CA5A: variants seen among roughly 807,000 people sequenced by gnomAD.
CA5A encodes the protein carbonic anhydrase 5A, also known as carbonic anhydrase 5A, mitochondrial.
CA5A carries 28 observed loss-of-function variants against 37.1 expected under a neutral mutation model. The observed-to-expected ratio is 0.75, with a 90% confidence interval of 0.56 to 1.03. CA5A has a LOEUF of 1.03. CA5A is among the 50% of genes least tolerant of loss of function. CA5A has a pLI of 0.00. For missense variants in CA5A, 444 were observed against 399.9 expected (o/e 1.11, Z -0.94); for synonymous variants, 171 against 158.4 (o/e 1.08, Z -0.60).
intron 2 of CA5A, among the ~76,000 whole-genome samples, chr16:87,906,191 A>T (rs1368571186): frequency 6.6e-6 from 1 of 151,872 alleles, no homozygotes; most frequent in East Asian, 1.9e-4. Context: ...CTGATCCCGA[A>T]TTCAGGGTGG....
intron 2 of CA5A, among the ~76,000 whole-genome samples, chr16:87,919,916 A>T (rs2056207844): frequency 6.6e-6 from 1 of 152,110 alleles, no homozygotes. Context: ...GTGCAGGAGT[A>T]TTTGCACCAT....
rs1465040257 is a variant in CA5A, at chr16:87,888,131, A to G, written c.916T>C (p.Ter306GlnextTer3). Reference sequence around the variant, plus strand: ...CTATTCATGTGGACCTAATGTCTCTAGGACCTTGTGCCCTCATTAGTGGCC... The same window carrying G: ...CTATTCATGTGGACCTAATGTCTCTGGGACCTTGTGCCCTCATTAGTGGCC... Reference protein sequence around the residue: ...FQATNEGTRS* With the variant: ...FQATNEGTRSQ Residue 306 changes from the stop codon to glutamine, a stop_lost, in exon 7 of 7, where the codon TAG (stop) becomes CAG (glutamine). Coordinates refer to ENST00000649794, the MANE Select transcript of CA5A (RefSeq NM_001739.2). 2 of 1,611,368 alleles carry G rather than the reference A, an allele frequency of 1.2e-6. No homozygotes were observed. The highest frequency in any genetic ancestry group is 2.2e-5 in the South Asian group (2 of 90,866).
At chr16:87,913,659 C>T (rs545518892) in intron 2 of CA5A, among the ~76,000 whole-genome samples, 1 of 139,662 alleles carries the variant, frequency 7.2e-6, no homozygotes, top group Non-Finnish European at 1.5e-5. Context: ...CGTGGCCCCC[C>T]CCTCCTCTCC....
In CA5A at chr16:87,924,373, C is replaced by T. The variant is rs1289852680; in HGVS notation, c.340+2375G>A. 4 of 955,484 alleles carry T rather than the reference C, an allele frequency of 4.2e-6. 1 individual carries two copies. The highest frequency in any genetic ancestry group is 5.0e-6 in the Non-Finnish European group (4 of 802,802). 59.2% of individuals were successfully genotyped at this position (955,484 alleles called of 1,614,324 possible). On this transcript the variant is annotated intron_variant, in intron 2 of 6. Transcript: ENST00000649794. Reference sequence around the variant, plus strand: ...GAGAGAGACACTGGAAGGACCAAGCCGTGGTGTTTGCGATGCACTGTGTAG... The same window carrying T: ...GAGAGAGACACTGGAAGGACCAAGCTGTGGTGTTTGCGATGCACTGTGTAG...
At chr16:87,921,551 C>T (rs1462136701) in intron 2 of CA5A, among the ~76,000 whole-genome samples, 1 of 152,214 alleles carries the variant, frequency 6.6e-6, no homozygotes, top group Admixed American at 6.5e-5. Flanking sequence ...CATGCCTGTA[C>T]CAATTGCTGC....
At chr16:87,933,411 G>A (rs1486875936) in intron 1 of CA5A, among the ~76,000 whole-genome samples, 1 of 152,200 alleles carries the variant, frequency 6.6e-6, no homozygotes, top group African/African-American at 2.4e-5. Context: ...GGGTCCTGCT[G>A]TGTAGCCCAG....
intron 1 of CA5A, among the ~76,000 whole-genome samples, chr16:87,934,323 C>G (rs1349260180): frequency 6.6e-6 from 1 of 152,150 alleles, no homozygotes; most frequent in Non-Finnish European, 1.5e-5. Flanking sequence ...AATCCCAGCA[C>G]TTTGGGAGGC....
At chr16:87,934,210 G>A (rs142430489) in intron 1 of CA5A, among the ~76,000 whole-genome samples, 59 of 152,376 alleles carry the variant, frequency 3.9e-4, no homozygotes, top group African/African-American at 1.3e-3. Context: ...ACACTGTGCC[G>A]TAAGCACCAT....
chr16:87,888,910 G>A (rs1293012471), intron 6 of CA5A, among the ~76,000 whole-genome samples: 2 of 148,742 alleles, frequency 1.3e-5, no homozygotes, highest in South Asian at 2.2e-4. Flanking sequence ...AAGCCACCAC[G>A]CCCGGCTAAT....
chr16:87,904,806 C>T lies in CA5A; in HGVS notation c.439G>A (p.Gly147Ser), dbSNP rs1226444061. Residue 147 changes from glycine to serine, a missense_variant, in exon 3 of 7, where the codon GGC becomes AGC. Coordinates refer to ENST00000649794, the MANE Select transcript of CA5A (RefSeq NM_001739.2). ...NEGGSEHTVD[G>S]HAYPAELHLV... Reference sequence around the variant, plus strand: ...CAAACCTCTGCGGGGTACGCGTGGCCGTCCACTGTGTGCTCTGAGCCCCCC... The same window carrying T: ...CAAACCTCTGCGGGGTACGCGTGGCTGTCCACTGTGTGCTCTGAGCCCCCC... 1.4e-5 allele frequency: 22 copies of T among 1,609,374 alleles called. 1 individual carries two copies. The highest frequency in any genetic ancestry group is 3.3e-4 in the Middle Eastern group (2 of 6,048).
chr16:87,891,885 A>G lies in CA5A; in HGVS notation c.688T>C (p.Tyr230His), dbSNP rs1322053708. 1.3e-6 allele frequency: 2 copies of G among 1,574,444 alleles called. No homozygotes were observed. The highest frequency in any genetic ancestry group is 3.7e-5 in the Admixed American group (2 of 53,692). Residue 230 changes from tyrosine (Y) to histidine (H), a missense_variant, in exon 6 of 7, where the codon TAC becomes CAC. Tyr to His is a moderately conservative substitution (Grantham distance 83). Coordinates refer to ENST00000649794, the MANE Select transcript of CA5A (RefSeq NM_001739.2). ...LLPTCWDYWT[Y>H]AGSLTTPPLT... is the part of the protein sequence containing the mutation. Reference sequence around the variant, plus strand: ...GGCGGGGTGGTGAGCGAGCCCGCGTAGGTCCAGTAATCCCAGCAGGTGGGC... The same window carrying G: ...GGCGGGGTGGTGAGCGAGCCCGCGTGGGTCCAGTAATCCCAGCAGGTGGGC...
chr16:87,927,359 T>C (rs8053821), intron 1 of CA5A, among the ~76,000 whole-genome samples: 32,945 of 151,872 alleles, frequency 0.22, 3,812 homozygotes, highest in African/African-American at 0.28. Context: ...GGCTTGAAAC[T>C]TCCCTTCCCA....
chr16:87,926,840 A>T lies in CA5A; in HGVS notation c.248T>A (p.Leu83His). 6.2e-7 allele frequency: 1 copy of T among 1,613,972 alleles called. No individual in the cohort carries two copies. Among genetic ancestry groups the T allele is most frequent in the South Asian group, 1.1e-5 (1 of 91,062 alleles). ...GGATGCCGCTTCATAGGAGACCCTG[A>T]GTGGCTTCAGCTGGGGGTCATAGAC... ...DSVYDPQLKP[L>H]RVSYEAASCL... The change falls in exon 2 of 7, where the codon CTC becomes CAC. Residue 83 changes from leucine to histidine, a missense_variant. By Grantham distance (99) the Leu-to-His change is moderately conservative (BLOSUM62 -3). Coordinates refer to ENST00000649794, the MANE Select transcript of CA5A (RefSeq NM_001739.2).
At chr16:87,906,366 A>C (rs2055961273) in intron 2 of CA5A, among the ~76,000 whole-genome samples, 1 of 152,112 alleles carries the variant, frequency 6.6e-6, no homozygotes, top group Admixed American at 6.5e-5. Context: ...GGTGGCTCAC[A>C]CCTGTACTCC....
intron 2 of CA5A, among the ~76,000 whole-genome samples, chr16:87,912,583 C>A (rs576423666): frequency 6.6e-6 from 1 of 152,218 alleles, no homozygotes; most frequent in Non-Finnish European, 1.5e-5. Flanking sequence ...GTACAAGGGA[C>A]AGAGGGAGGA....
chr16:87,926,793 C>T lies in CA5A; in HGVS notation c.295G>A (p.Gly99Ser). ...AASCLYIWNT[G>S]YLFQVEFDDA... ...TCAAATTCCACCTGGAAGAGGTAGC[C>T]AGTGTTCCAGATGTACAGGCAGGAT... is the stretch of plus-strand genomic sequence containing the variant. Residue 99 changes from glycine to serine, a missense_variant, in exon 2 of 7, where the codon GGC becomes AGC. Gly to Ser is a moderately conservative substitution (Grantham distance 56, BLOSUM62 0). Transcript: ENST00000649794. 6.2e-7 allele frequency: 1 copy of T among 1,614,174 alleles called. No individual in the cohort carries two copies. Among genetic ancestry groups the T allele is most frequent in the Non-Finnish European group, 8.5e-7 (1 of 1,180,006 alleles).
At chr16:87,897,479 C>T (rs1342772029) in intron 5 of CA5A, among the ~76,000 whole-genome samples, 4 of 130,050 alleles carry the variant, frequency 3.1e-5, no homozygotes, top group African/African-American at 5.8e-5. Flanking sequence ...AGTGACAGGT[C>T]GGCACTGGTA....
chr16:87,904,789 T>G lies in CA5A; in HGVS notation c.456A>C (p.Ala152=), dbSNP rs747120163. 1.9e-6 allele frequency: 3 copies of G among 1,597,958 alleles called. No individual in the cohort carries two copies. The highest frequency in any genetic ancestry group is 2.2e-5 in the South Asian group (2 of 90,674). The change falls in exon 3 of 7, where the codon GCA becomes GCC. Residue 152 remains alanine (A), a synonymous_variant. Coordinates refer to ENST00000649794, the MANE Select transcript of CA5A (RefSeq NM_001739.2). ...EHTVDGHAYP[A]ELHLVHWNSV... ...CTGTTAGGCCACGTCTACAAACCTC[T>G]GCGGGGTACGCGTGGCCGTCCACTG...
chr16:87,904,704 C>T (rs144428790), intron 3 of CA5A, 82 bp downstream of exon 3: 11 of 849,030 alleles, frequency 1.3e-5, no homozygotes, highest in South Asian at 7.4e-5. Context: ...CTGAGCGGCG[C>T]GCATGGCTTG....
Sources: gnomAD v4.1 joint callset for allele counts (sites outside exome capture counted in the v4.1 genomes callset) on GRCh38, gnomAD v4.1.1 for gene constraint, MANE v1.5 for transcripts, NCBI Gene and HGNC (gene_info 2026-07-23, HGNC 2026-07-21) for gene names.